The following PTPN12 variants were observed in gnomAD, a reference collection of about 807,000 sequenced individuals.
The protein encoded by PTPN12 is protein tyrosine phosphatase non-receptor type 12, also known as tyrosine-protein phosphatase non-receptor type 12.
In PTPN12, 29 loss-of-function variants were observed where a neutral mutation model predicts 97.6. The ratio of observed to expected loss-of-function variants is 0.30; its 90% CI spans 0.22 to 0.41. The LOEUF (loss-of-function observed/expected upper bound fraction) is 0.41, where lower values mean the gene tolerates loss of function less well. Among genes scored for constraint, PTPN12 ranks in the 10% least tolerant of loss-of-function variants. The probability of loss-of-function intolerance (pLI) is 1.00; values close to 1 mark genes in which losing one functional copy is unlikely to be tolerated. For missense variants in PTPN12, 819 were observed against 926.0 expected (o/e 0.88, Z 1.50); for synonymous variants, 327 against 300.4 (o/e 1.09, Z -0.91).
At chr7:77,600,423 T>C (rs1788154496) in intron 7 of PTPN12, among the ~76,000 whole-genome samples, 1 of 152,182 alleles carries the variant, frequency 6.6e-6, no homozygotes, top group African/African-American at 2.4e-5. Flanking sequence ...ATCTCAGTTA[T>C]AAAATGAGGA....
At chr7:77,572,842 T>C (rs1419064459) in intron 2 of PTPN12, among the ~76,000 whole-genome samples, 1 of 152,078 alleles carries the variant, frequency 6.6e-6, no homozygotes, top group African/African-American at 2.4e-5. Context: ...CCCAGCACTT[T>C]GGGAGGCCGA....
chr7:77,619,973 G>A (rs867949712), intron 12 of PTPN12, among the ~76,000 whole-genome samples: 2 of 152,148 alleles, frequency 1.3e-5, no homozygotes, highest in African/African-American at 2.4e-5. Flanking sequence ...CATTTTAGCC[G>A]TCTGTGGAAG....
Position 77,537,615 on chromosome 7 carries a change from T to C in PTPN12, c.69T>C (p.Asn23=), listed in dbSNP as rs765173377. 4 of 1,603,624 alleles carry C rather than the reference T, an allele frequency of 2.5e-6. No individual in the cohort carries two copies. The highest frequency in any genetic ancestry group is 3.4e-6 in the Non-Finnish European group (4 of 1,176,008). The part of the protein sequence containing the change: ...RVQAMKSPDH[N]GEDNFARDFM... ...AGGCCATGAAGAGTCCTGACCACAA[T>C]GGGGAGGACAACTTCGCCCGGGACT... Residue 23 remains asparagine, a synonymous_variant, in exon 1 of 18, where the codon AAT becomes AAC. Transcript: ENST00000248594.
intron 2 of PTPN12, among the ~76,000 whole-genome samples, chr7:77,578,579 T>A (rs1787410773): frequency 6.6e-6 from 1 of 152,202 alleles, no homozygotes; most frequent in Non-Finnish European, 1.5e-5. Context: ...AACTGGGCCT[T>A]TAGTGCTATG....
intron 14 of PTPN12, among the ~76,000 whole-genome samples, chr7:77,632,745 T>C (rs76629007): frequency 0.24 from 36,432 of 151,772 alleles, 4,547 homozygotes; most frequent in Non-Finnish European, 0.28. Flanking sequence ...TCACCTGAGG[T>C]CAGGAGTTGG....
chr7:77,574,438 TCA>T (rs901554831), intron 2 of PTPN12, among the ~76,000 whole-genome samples: 11 of 152,238 alleles, frequency 7.2e-5, no homozygotes, highest in African/African-American at 2.7e-4. Flanking sequence ...AAAAAGCTTG[TCA>T]CACAGTTAAA....
intron 1 of PTPN12, among the ~76,000 whole-genome samples, chr7:77,561,315 A>G (rs796431176): frequency 5.9e-5 from 9 of 152,316 alleles, no homozygotes; most frequent in East Asian, 1.9e-4. Context: ...TGAATCATCT[A>G]TATGAAATAC....
intron 5 of PTPN12, among the ~76,000 whole-genome samples, chr7:77,590,857 C>A (rs957960943): frequency 6.6e-6 from 1 of 151,850 alleles, no homozygotes; most frequent in Admixed American, 6.6e-5. Flanking sequence ...AGCCACCACG[C>A]CCGGCCTCCA....
intron 12 of PTPN12, among the ~76,000 whole-genome samples, chr7:77,620,884 G>T (rs1319231806): frequency 2.0e-5 from 3 of 152,110 alleles, no homozygotes; most frequent in African/African-American, 7.2e-5. Flanking sequence ...GGAAGCGAAG[G>T]TGCCAGTGAG....
At chr7:77,561,403 G>A (rs1807988136) in intron 1 of PTPN12, among the ~76,000 whole-genome samples, 1 of 152,194 alleles carries the variant, frequency 6.6e-6, no homozygotes, top group East Asian at 1.9e-4. Context: ...ATTTTAGTAG[G>A]GTAATAAAGG....
intron 1 of PTPN12, among the ~76,000 whole-genome samples, chr7:77,564,977 C>T (rs1323014859): frequency 7.0e-6 from 1 of 142,716 alleles, no homozygotes; most frequent in South Asian, 2.1e-4. Context: ...AGGATGGTCT[C>T]GATCTCCTGA....
chr7:77,579,185 G>A (rs570799072), intron 2 of PTPN12, among the ~76,000 whole-genome samples: 10 of 152,214 alleles, frequency 6.6e-5, no homozygotes, highest in Non-Finnish European at 1.3e-4. Context: ...GCAGTGGCGC[G>A]ATCTCGGCTT....
At chr7:77,557,029 C>G (rs1807750778) in intron 1 of PTPN12, among the ~76,000 whole-genome samples, 1 of 151,956 alleles carries the variant, frequency 6.6e-6, no homozygotes, top group Non-Finnish European at 1.5e-5. Flanking sequence ...TGCAACGGCA[C>G]AGCCTTGGCA....
intron 12 of PTPN12, among the ~76,000 whole-genome samples, chr7:77,621,854 C>G (rs1788949967): frequency 6.6e-6 from 1 of 152,214 alleles, no homozygotes; most frequent in Admixed American, 6.5e-5. Context: ...TTTTTCAGCT[C>G]CATTATAACT....
chr7:77,581,422 CG>C lies in PTPN12; in HGVS notation c.209-4del, dbSNP rs1562726452. 6.3e-7 allele frequency: 1 copy of C among 1,595,680 alleles called. No individual in the cohort carries two copies. ...ATACATATTTTATGAATTTTTTTCT[CG>C]TAGTTGATCACAGCCGAGTTAAATT... On this transcript the variant is annotated splice_region_variant and splice_polypyrimidine_tract_variant and intron_variant, in intron 2 of 17. Coordinates refer to ENST00000248594, the MANE Select transcript of PTPN12 (RefSeq NM_002835.4).
chr7:77,598,314 G>T (rs931671048), intron 7 of PTPN12, among the ~76,000 whole-genome samples: 2 of 152,182 alleles, frequency 1.3e-5, no homozygotes, highest in Non-Finnish European at 2.9e-5. Context: ...CCTTTGGTAA[G>T]GATCATTTGT....
intron 4 of PTPN12, 163 bp from the exon 5 acceptor site, chr7:77,585,380 T>G (rs1361146065): frequency 5.5e-6 from 3 of 542,352 alleles, no homozygotes; most frequent in Non-Finnish European, 9.7e-6. Flanking sequence ...AAAGTCTAAT[T>G]TTGATAATTT....
intron 11 of PTPN12, among the ~76,000 whole-genome samples, chr7:77,613,169 T>C (rs1194193826): frequency 2.4e-4 from 5 of 21,056 alleles, no homozygotes; most frequent in African/African-American, 1.6e-3. Context: ...ATTTTTGGGT[T>C]TTTTTTTTTT....
At chr7:77,541,729 T>C (rs891175735) in intron 1 of PTPN12, among the ~76,000 whole-genome samples, 2 of 152,212 alleles carry the variant, frequency 1.3e-5, no homozygotes, top group African/African-American at 4.8e-5. Flanking sequence ...ATAGAAATTT[T>C]CCACCTGTCA....
Sources: gnomAD v4.1 joint callset for allele counts (sites outside exome capture counted in the v4.1 genomes callset) on GRCh38, gnomAD v4.1.1 for gene constraint, MANE v1.5 for transcripts, NCBI Gene and HGNC (gene_info 2026-07-23, HGNC 2026-07-21) for gene names.